Variants in PDE10A observed in about 807,000 individuals in gnomAD.
The protein encoded by PDE10A is cAMP and cAMP-inhibited cGMP 3',5'-cyclic phosphodiesterase 10A.
In PDE10A, 39 loss-of-function variants were observed where a neutral mutation model predicts 97.7. That is an observed-to-expected ratio of 0.40 (90% CI 0.31 to 0.52). The LOEUF (loss-of-function observed/expected upper bound fraction) is 0.52, where lower values mean the gene tolerates loss of function less well. PDE10A is among the 20% of genes least tolerant of loss of function. The pLI is 0.56. For missense variants in PDE10A, 731 were observed against 1,047.8 expected, an observed-to-expected ratio of 0.70 and a Z score of 4.17; for synonymous variants, 371 against 376.8, an observed-to-expected ratio of 0.98 and a Z score of 0.18.
At chr6:165,802,601 GA>G (rs961962034) in intron 1 of PDE10A, among the ~76,000 whole-genome samples, 4 of 152,186 alleles carry the variant, frequency 2.6e-5, no homozygotes, top group African/African-American at 9.6e-5. Context: ...CCCTCCTGAA[GA>G]AAAATGTTAC....
At chr6:165,579,790 C>G (rs1785510267) in intron 1 of PDE10A, among the ~76,000 whole-genome samples, 1 of 152,194 alleles carries the variant, frequency 6.6e-6, no homozygotes, top group Admixed American at 6.5e-5. Context: ...TCTGACCTTG[C>G]ACAAACTAGG....
intron 1 of PDE10A, among the ~76,000 whole-genome samples, chr6:165,951,512 C>G (rs575695437): frequency 1.3e-5 from 2 of 152,080 alleles, no homozygotes; most frequent in Non-Finnish European, 2.9e-5. Context: ...TTGCCCCTCC[C>G]ACTGGTCCTG....
At chr6:165,458,671 A>ACACACACACACACT (rs774153426) in intron 3 of PDE10A, among the ~76,000 whole-genome samples, 1 of 151,678 alleles carries the variant, frequency 6.6e-6, no homozygotes, top group Non-Finnish European at 1.5e-5. Flanking sequence ...AGGCGCACGC[A>ACACACACACACACT]CACACACACA....
intron 1 of PDE10A, among the ~76,000 whole-genome samples, chr6:165,708,533 G>A (rs905135363): frequency 6.6e-6 from 1 of 151,870 alleles, no homozygotes; most frequent in Non-Finnish European, 1.5e-5. Context: ...CCCCAAACAC[G>A]GTTCTCAGTG....
intron 13 of PDE10A, chr6:165,409,719 C>T (rs1442333423): frequency 2.0e-5 from 3 of 152,216 alleles, no homozygotes; most frequent in Admixed American, 2.0e-4. Flanking sequence ...CCATATACTA[C>T]TTGTCACTGT....
intron 2 of PDE10A, among the ~76,000 whole-genome samples, chr6:165,541,664 G>C (rs532224158): frequency 6.6e-6 from 1 of 152,244 alleles, no homozygotes; most frequent in South Asian, 2.1e-4. Flanking sequence ...CCACACTTTT[G>C]AAAGTGTCAA....
rs951803226 is a variant in PDE10A at position 165,380,494 on chromosome 6, T to C, written c.2611-1128A>G. ...TCTTAGAAGTATTTGAATTATTGTA[T>C]GATAAATGCAGCAAATGGACTCAGG... On this transcript the variant is annotated intron_variant, in intron 17 of 21. Coordinates refer to ENST00000539869, the MANE Select transcript of PDE10A (RefSeq NM_001385079.1). Among the ~76,000 whole-genome samples the C allele has an allele frequency of 6.6e-5, 10 of 152,344 alleles. No homozygotes were observed. The South Asian group carries it at 1.4e-3, about 22-fold the overall frequency.
In PDE10A at chr6:165,783,957, C is replaced by T. The variant is rs554586906; in HGVS notation, c.-615+203572G>A. On this transcript the variant is annotated intron_variant, in intron 1 of 19. Transcript: ENST00000366882. ...TGCCTTGGCCGGGCGCGGTGGCTCA[C>T]GCATGTAATCTCAGCACTTTGGGAG... Among the ~76,000 whole-genome samples the T allele has an allele frequency of 4.6e-5, 7 of 152,220 alleles. No individual in the cohort carries two copies. In the South Asian group the frequency reaches 8.3e-4, roughly 18 times the overall value.
intron 1 of PDE10A, among the ~76,000 whole-genome samples, chr6:165,615,215 A>C (rs1787673631): frequency 6.8e-6 from 1 of 147,664 alleles, no homozygotes; most frequent in Non-Finnish European, 1.5e-5. Flanking sequence ...ATCTCAGAAA[A>C]AAAAAAAAGA....
At chr6:165,809,426 C>G (rs1192365658) in intron 1 of PDE10A, among the ~76,000 whole-genome samples, 2 of 152,186 alleles carry the variant, frequency 1.3e-5, no homozygotes, top group African/African-American at 4.8e-5. Flanking sequence ...TCACACTGCT[C>G]CTTTGTTTTC....
chr6:165,740,117 C>A (rs1792680801), intron 1 of PDE10A, among the ~76,000 whole-genome samples: 2 of 152,088 alleles, frequency 1.3e-5, no homozygotes, highest in Non-Finnish European at 2.9e-5. Flanking sequence ...GTATACAAAT[C>A]CGAAGGACAT....
chr6:165,617,907 C>T (rs1787801507), intron 1 of PDE10A, among the ~76,000 whole-genome samples: 1 of 152,058 alleles, frequency 6.6e-6, no homozygotes, highest in Non-Finnish European at 1.5e-5. Context: ...CTTCTTTTCC[C>T]CCAAGCAGAT....
chr6:165,396,198 G>T, intron 14 of PDE10A, 119 bp downstream of exon 14: 1 of 882,216 alleles, frequency 1.1e-6, no homozygotes, highest in Non-Finnish European at 1.7e-6. Flanking sequence ...GGCAACACAT[G>T]AAACTCCACA....
intron 3 of PDE10A, among the ~76,000 whole-genome samples, chr6:165,479,797 AG>A (rs1436496860): frequency 6.6e-6 from 1 of 152,220 alleles, no homozygotes; most frequent in African/African-American, 2.4e-5. Flanking sequence ...ATGATAGGTA[AG>A]AAGACAGGGA....
intron 17 of PDE10A, among the ~76,000 whole-genome samples, chr6:165,385,074 T>C (rs1397004329): frequency 6.6e-6 from 1 of 152,184 alleles, no homozygotes; most frequent in Non-Finnish European, 1.5e-5. Context: ...GTTCTTATTT[T>C]AATGACTGGA....
At chr6:165,873,986 C>T (rs1346690529) in intron 1 of PDE10A, among the ~76,000 whole-genome samples, 2 of 152,206 alleles carry the variant, frequency 1.3e-5, no homozygotes, top group African/African-American at 4.8e-5. Flanking sequence ...ATTATTACCA[C>T]TCTTCTCTAA....
Position 165,469,301 on chromosome 6 carries a change from G to A in PDE10A, c.1023+13014C>T, listed in dbSNP as rs2128269017. Among the ~76,000 whole-genome samples, 2 of 152,266 alleles carry A rather than the reference G, an allele frequency of 1.3e-5. 1 individual carries two copies. Among genetic ancestry groups the A allele is most frequent in the South Asian group, 4.1e-4 (2 of 4,832 alleles). ...TTCCTAGTATTTAAGGGGTCAGTAGGAACTATTTCCATATAGCAGGGTGTT... is the reference window on the plus strand; with the variant it reads ...TTCCTAGTATTTAAGGGGTCAGTAGAAACTATTTCCATATAGCAGGGTGTT... On this transcript the variant is annotated intron_variant, in intron 3 of 21. Coordinates refer to ENST00000539869, the MANE Select transcript of PDE10A (RefSeq NM_001385079.1).
At chr6:165,845,952 G>A (rs543095992) in intron 1 of PDE10A, among the ~76,000 whole-genome samples, 40 of 152,230 alleles carry the variant, frequency 2.6e-4, no homozygotes, top group African/African-American at 9.4e-4. Flanking sequence ...TGCCTTGTCT[G>A]TATAATGCAG....
intron 2 of PDE10A, among the ~76,000 whole-genome samples, chr6:165,498,457 A>AAAAAAAAAAAAAAAAAAAAAC (rs1780675178): frequency 7.1e-6 from 1 of 141,820 alleles, no homozygotes; most frequent in Admixed American, 7.1e-5. Flanking sequence ...AAAAAAAAAA[A>AAAAAAAAAAAAAAAAAAAAAC]AAAAAAAAAT....
Sources: gnomAD v4.1 joint callset for allele counts (sites outside exome capture counted in the v4.1 genomes callset) on GRCh38, gnomAD v4.1.1 for gene constraint, MANE v1.5 for transcripts, NCBI Gene and HGNC (gene_info 2026-07-23, HGNC 2026-07-21) for gene names.